The following ARHGAP20 variants were observed in gnomAD, a reference collection of about 807,000 sequenced individuals.
The protein encoded by ARHGAP20 is Rho GTPase activating protein 20, also known as rho GTPase-activating protein 20.
ARHGAP20 carries 34 observed loss-of-function variants against 73.7 expected under a neutral mutation model. The observed-to-expected ratio is 0.46, with a 90% CI of 0.35 to 0.61. The LOEUF is 0.61. Ranked by LOEUF, ARHGAP20 falls within the 20% of genes least tolerant of loss-of-function variation. The pLI is 0.00. For synonymous variants in ARHGAP20, 523 were observed against 518.2 expected (o/e 1.01, Z -0.13); for missense variants, 1,314 against 1,420.9 (o/e 0.92, Z 1.21).
intron 1 of ARHGAP20, among the ~76,000 whole-genome samples, chr11:110,710,325 T>C (rs1217578978): frequency 6.6e-6 from 1 of 152,054 alleles, no homozygotes; most frequent in African/African-American, 2.4e-5. Flanking sequence ...GTAAAAAGAA[T>C]GTGGGAAAAG....
intron 3 of ARHGAP20, among the ~76,000 whole-genome samples, chr11:110,628,274 T>C (rs1948787967): frequency 6.6e-6 from 1 of 152,306 alleles, no homozygotes; most frequent in Admixed American, 6.5e-5. Flanking sequence ...TAATTTCAGA[T>C]TATTTCAACA....
At chr11:110,681,567 G>A (rs1011159374) in intron 2 of ARHGAP20, among the ~76,000 whole-genome samples, 1 of 152,168 alleles carries the variant, frequency 6.6e-6, no homozygotes, top group African/African-American at 2.4e-5. Context: ...CCACTGCAGA[G>A]TATAAATGTA....
At chr11:110,693,762 T>C (rs1950285831) in intron 1 of ARHGAP20, among the ~76,000 whole-genome samples, 1 of 151,920 alleles carries the variant, frequency 6.6e-6, no homozygotes, top group East Asian at 1.9e-4. Flanking sequence ...AATGAAACTA[T>C]TGATTCTTTT....
intron 1 of ARHGAP20, among the ~76,000 whole-genome samples, chr11:110,709,776 G>A (rs897822565): frequency 1.3e-5 from 2 of 152,180 alleles, no homozygotes; most frequent in East Asian, 3.9e-4. Context: ...CAAGAAAAAG[G>A]GGTCTGAATT....
At position 110,712,100 on chromosome 11, in the gene ARHGAP20, GCACGGGCCCCCGCT is replaced by G; in HGVS notation, c.105+13_105+26del. ...GCAGTGGGGGCTGCGGCGGCGGAGG[GCACGGGCCCCCGCT>G]CAGCGTCCTCACCTTCTTGGTGCAG... On this transcript the variant is annotated intron_variant, in intron 1 of 14. Transcript: ENST00000683387. The G allele has an allele frequency of 1.6e-6, 2 of 1,284,238 alleles. No homozygotes were observed. The allele number at this position is 1,284,238 out of a possible 1,614,324, so 79.6% of individuals were successfully genotyped here.
chr11:110,617,233 A>T (rs1948503567), intron 4 of ARHGAP20, among the ~76,000 whole-genome samples: 1 of 151,908 alleles, frequency 6.6e-6, no homozygotes, highest in African/African-American at 2.4e-5. Flanking sequence ...GTAGTTTTAG[A>T]TAATTCATTC....
chr11:110,664,272 T>C (rs1230675604), intron 2 of ARHGAP20, among the ~76,000 whole-genome samples: 1 of 152,138 alleles, frequency 6.6e-6, no homozygotes, highest in Non-Finnish European at 1.5e-5. Flanking sequence ...GTAGTCTATG[T>C]GGAAAGTTCA....
intron 8 of ARHGAP20, among the ~76,000 whole-genome samples, 166 bp from the exon 9 acceptor site, chr11:110,606,915 G>T (rs965194936): frequency 6.6e-6 from 1 of 152,088 alleles, no homozygotes; most frequent in Admixed American, 6.5e-5. Context: ...AGACCAGTAT[G>T]CAGGTGGTCC....
At chr11:110,687,795 C>T (rs1163307688) in intron 2 of ARHGAP20, among the ~76,000 whole-genome samples, 1 of 152,024 alleles carries the variant, frequency 6.6e-6, no homozygotes, top group Non-Finnish European at 1.5e-5. Flanking sequence ...TAAGTACATG[C>T]TCAGACATGA....
chr11:110,655,336 G>A (rs1949441723), intron 2 of ARHGAP20, among the ~76,000 whole-genome samples: 1 of 152,136 alleles, frequency 6.6e-6, no homozygotes, highest in African/African-American at 2.4e-5. Flanking sequence ...GAATTCTCAA[G>A]TTTAGTGAGA....
At chr11:110,678,570 T>C (rs760630383) in intron 2 of ARHGAP20, among the ~76,000 whole-genome samples, 1 of 152,244 alleles carries the variant, frequency 6.6e-6, no homozygotes, top group Non-Finnish European at 1.5e-5. Context: ...GCTAGTTTCA[T>C]AACTTGAAGA....
At chr11:110,635,781 A>G (rs186173180) in intron 2 of ARHGAP20, among the ~76,000 whole-genome samples, 130 of 151,808 alleles carry the variant, frequency 8.6e-4, no homozygotes, top group African/African-American at 2.9e-3. Flanking sequence ...GCCTACATTC[A>G]CCATCACAGA....
intron 2 of ARHGAP20, among the ~76,000 whole-genome samples, chr11:110,655,165 C>A (rs1257652924): frequency 6.6e-6 from 1 of 152,166 alleles, no homozygotes; most frequent in Non-Finnish European, 1.5e-5. Context: ...TCTCCTGGAA[C>A]CACAACTTAA....
rs759556628 is a variant in ARHGAP20 at position 110,712,212 on chromosome 11, T to C, written c.20A>G (p.Gln7Arg). Residue 7 changes from glutamine (Q) to arginine (R), a missense_variant, in exon 1 of 15, where the codon CAG becomes CGG. Gln to Arg is a conservative substitution (Grantham distance 43). Transcript: ENST00000683387. Reference sequence around the variant, plus strand: ...CGGCTGTCCCCCTAGAGTCTCCTGCTGGGGGGACATCGCTTCCATGAAGAA... The same window carrying C: ...CGGCTGTCCCCCTAGAGTCTCCTGCCGGGGGGACATCGCTTCCATGAAGAA... MEAMSPQQETLGGQPGR... is the reference protein window; with the variant it reads MEAMSPRQETLGGQPGR... 4.4e-6 allele frequency: 6 copies of C among 1,366,440 alleles called. No individual in the cohort carries two copies. The highest frequency in any genetic ancestry group is 9.5e-7 in the Non-Finnish European group (1 of 1,051,858). 84.6% of individuals were successfully genotyped at this position (1,366,440 alleles called of 1,614,324 possible). A position where few individuals can be genotyped will look rare whatever the true frequency, so the allele number is the denominator to read the frequency against.
chr11:110,706,320 G>T (rs1950552038), intron 1 of ARHGAP20, among the ~76,000 whole-genome samples: 1 of 152,104 alleles, frequency 6.6e-6, no homozygotes. Context: ...CCTTGATATG[G>T]TTCGGTTCCT....
chr11:110,707,326 G>A (rs1950568501), intron 1 of ARHGAP20, among the ~76,000 whole-genome samples: 1 of 151,996 alleles, frequency 6.6e-6, no homozygotes. Context: ...AAACTATTCC[G>A]TGAAAATGTG....
At chr11:110,603,340 C>T (rs1358510101) in intron 9 of ARHGAP20, among the ~76,000 whole-genome samples, 2 of 152,162 alleles carry the variant, frequency 1.3e-5, no homozygotes, top group African/African-American at 4.8e-5. Flanking sequence ...TTAATGGACA[C>T]TAAATGGCTT....
At chr11:110,698,670 A>G (rs1258593026) in intron 1 of ARHGAP20, among the ~76,000 whole-genome samples, 1 of 151,844 alleles carries the variant, frequency 6.6e-6, no homozygotes, top group Non-Finnish European at 1.5e-5. Context: ...CCAGGAATTT[A>G]TCCATCTCCT....
Position 110,594,693 on chromosome 11 carries a change from C to T in ARHGAP20, c.965-2538G>A, listed in dbSNP as rs373272301. Among the ~76,000 whole-genome samples the T allele has an allele frequency of 3.7e-4, 57 of 152,114 alleles. No individual in the cohort carries two copies. In the East Asian group the frequency reaches 7.4e-3, roughly 20 times the overall value. On this transcript the variant is annotated intron_variant, in intron 9 of 14. Coordinates refer to ENST00000683387, the MANE Select transcript of ARHGAP20 (RefSeq NM_001384657.1). ...GTTCAGGACCAGATGGATTCACAGC[C>T]GAATTCTACCAGAGGTACAAGGAGG...
Sources: allele counts gnomAD v4.1 joint callset (sites outside exome capture counted in the v4.1 genomes callset), GRCh38; gene constraint gnomAD v4.1.1; transcripts MANE v1.5; gene names NCBI Gene and HGNC (gene_info 2026-07-23, HGNC 2026-07-21).